The following GABPB1 variants were observed in gnomAD, a reference collection of about 807,000 sequenced individuals.
GABPB1 encodes GA binding protein transcription factor subunit beta 1, also known as GA-binding protein subunit beta-1.
A neutral mutation model predicts 45.9 loss-of-function variants in GABPB1; 15 were observed. The ratio of observed to expected loss-of-function variants is 0.33; its 90% CI spans 0.22 to 0.50. The LOEUF is 0.50. Ranked by LOEUF, GABPB1 falls within the 20% of genes least tolerant of loss-of-function variation. The pLI is 0.98. For missense variants in GABPB1, 252 were observed against 457.5 expected, an observed-to-expected ratio of 0.55 and a Z score of 4.10; for synonymous variants, 143 against 154.4, an observed-to-expected ratio of 0.93 and a Z score of 0.55.
At chr15:50,304,383 T>C (rs141098855) in intron 2 of GABPB1, among the ~76,000 whole-genome samples, 1 of 152,292 alleles carries the variant, frequency 6.6e-6, no homozygotes, top group East Asian at 1.9e-4. Context: ...TTTTATCAGA[T>C]AAACTGCCTG....
chr15:50,281,378 A>ATT (rs10717896), intron 8 of GABPB1, among the ~76,000 whole-genome samples: 1 of 151,854 alleles, frequency 6.6e-6, no homozygotes, highest in East Asian at 1.9e-4. Flanking sequence ...TGCTCAGCTA[A>ATT]TTTTTTGTAT....
chr15:50,310,772 G>A (rs1195399429), intron 1 of GABPB1, among the ~76,000 whole-genome samples: 2 of 152,106 alleles, frequency 1.3e-5, no homozygotes, highest in Non-Finnish European at 2.9e-5. Flanking sequence ...GAGGCCAGGA[G>A]TTCGAGACCA....
intron 1 of GABPB1, chr15:50,353,727 T>C (rs2048954144): frequency 6.6e-6 from 1 of 152,172 alleles, no homozygotes; most frequent in South Asian, 2.1e-4. Context: ...TTACATGAGA[T>C]AAACTATCTA....
chr15:50,320,017 C>A (rs2047502711), intron 1 of GABPB1, among the ~76,000 whole-genome samples: 1 of 152,122 alleles, frequency 6.6e-6, no homozygotes, highest in African/African-American at 2.4e-5. Flanking sequence ...CACATACACA[C>A]AATGCTTACT....
In GABPB1 at chr15:50,278,657, A is replaced by G. The variant is rs781755995; in HGVS notation, c.1127T>C (p.Leu376Pro). The G allele has an allele frequency of 5.6e-6, 9 of 1,611,586 alleles. No individual in the cohort carries two copies. The highest frequency in any genetic ancestry group is 7.6e-6 in the Non-Finnish European group (9 of 1,179,426). ...YRQKLEAMTR[L>P]QTNKEAV ...TTAAACAGCTTCTTTATTAGTCTGA[A>G]GACGAGTCATAGCTTCCAACTTCTG... The change falls in exon 9 of 9, where the codon CTT (leucine) becomes CCT (proline). Residue 376 changes from leucine to proline, a missense_variant. Physicochemically the swap from Leu to Pro is moderately conservative, Grantham distance 98. Transcript: ENST00000380877.
intron 1 of GABPB1, chr15:50,354,062 A>T (rs140602454): frequency 3.9e-6 from 1 of 256,512 alleles, no homozygotes; most frequent in East Asian, 1.7e-4. Flanking sequence ...AGACACACAC[A>T]AAGCAGGCCT....
At chr15:50,312,646 C>A (rs1278571990) in intron 1 of GABPB1, among the ~76,000 whole-genome samples, 6 of 152,180 alleles carry the variant, frequency 3.9e-5, no homozygotes, top group Non-Finnish European at 8.8e-5. Context: ...GTCACACTAA[C>A]AAATACAGCA....
At chr15:50,292,210 A>G (rs2046370132) in intron 6 of GABPB1, among the ~76,000 whole-genome samples, 1 of 143,570 alleles carries the variant, frequency 7.0e-6, no homozygotes, top group African/African-American at 2.6e-5. Flanking sequence ...GCTACTCGGG[A>G]GGCTGAGGCA....
At chr15:50,343,349 C>G (rs990841050) in intron 1 of GABPB1, among the ~76,000 whole-genome samples, 6 of 152,176 alleles carry the variant, frequency 3.9e-5, no homozygotes, top group Non-Finnish European at 8.8e-5. Flanking sequence ...TCACTGTGCT[C>G]TAGCCACAAA....
chr15:50,311,632 G>GA (rs1402562737), intron 1 of GABPB1, among the ~76,000 whole-genome samples: 8 of 113,582 alleles, frequency 7.0e-5, no homozygotes, highest in South Asian at 2.7e-4. Flanking sequence ...TCCAAAATCT[G>GA]AAAAAACCCA....
At chr15:50,303,167 C>T (rs765569904) in intron 3 of GABPB1, 44 bp from the exon 4 acceptor site, 33 of 1,440,900 alleles carry the variant, frequency 2.3e-5, no homozygotes, top group Non-Finnish European at 3.0e-5. Context: ...TGAAATATCA[C>T]ATAAAAAATT....
At chr15:50,289,249 A>G (rs1176864177) in intron 7 of GABPB1, among the ~76,000 whole-genome samples, 1 of 152,208 alleles carries the variant, frequency 6.6e-6, no homozygotes, top group African/African-American at 2.4e-5. Context: ...ACTCAGAGAA[A>G]GCAAGCTAAT....
chr15:50,307,068 C>T (rs965440623), intron 2 of GABPB1, among the ~76,000 whole-genome samples: 3 of 151,994 alleles, frequency 2.0e-5, no homozygotes, highest in African/African-American at 7.3e-5. Context: ...AGTCTTCTCT[C>T]GGGAATAGTC....
At chr15:50,303,677 CA>C (rs371842725) in intron 3 of GABPB1, among the ~76,000 whole-genome samples, 32,916 of 96,800 alleles carry the variant, frequency 0.34, 4,169 homozygotes, top group Middle Eastern at 0.5. Flanking sequence ...GATTCTGTCT[CA>C]AAAAAAAAAA....
intron 8 of GABPB1, among the ~76,000 whole-genome samples, chr15:50,279,573 C>A (rs2045911513): frequency 6.6e-6 from 1 of 152,188 alleles, no homozygotes; most frequent in African/African-American, 2.4e-5. Context: ...TATTGTTTCT[C>A]CTCTTCCTCC....
chr15:50,333,860 C>T (rs560085241), intron 1 of GABPB1, among the ~76,000 whole-genome samples: 18 of 151,960 alleles, frequency 1.2e-4, no homozygotes, highest in African/African-American at 4.4e-4. Context: ...AAAACCCCAT[C>T]TCTACTAAAA....
chr15:50,295,415 A>C (rs1305707228), intron 6 of GABPB1, among the ~76,000 whole-genome samples: 9 of 152,122 alleles, frequency 5.9e-5, no homozygotes. Context: ...TCTTGCTAAA[A>C]TGTTCTTCCC....
At chr15:50,317,554 T>C (rs1331235355) in intron 1 of GABPB1, among the ~76,000 whole-genome samples, 1 of 152,136 alleles carries the variant, frequency 6.6e-6, no homozygotes, top group Non-Finnish European at 1.5e-5. Flanking sequence ...AAAACTTTTA[T>C]TTAAAAGCTT....
intron 2 of GABPB1, among the ~76,000 whole-genome samples, chr15:50,306,118 G>A (rs918967983): frequency 6.6e-6 from 1 of 152,078 alleles, no homozygotes; most frequent in Admixed American, 6.6e-5. Context: ...AGGACTACAG[G>A]CTGAGCCACC....
Sources: gnomAD v4.1 joint callset for allele counts (sites outside exome capture counted in the v4.1 genomes callset) on GRCh38, gnomAD v4.1.1 for gene constraint, MANE v1.5 for transcripts, NCBI Gene and HGNC (gene_info 2026-07-23, HGNC 2026-07-21) for gene names.